Variants in CELF2 observed in about 807,000 individuals in gnomAD.
CELF2 encodes the protein CUGBP Elav-like family member 2.
In CELF2, 8 loss-of-function variants were observed where a neutral mutation model predicts 62.6. The ratio of observed to expected loss-of-function variants is 0.13; its 90% CI spans 0.07 to 0.23. The LOEUF is 0.23. CELF2 is among the 10% of genes least tolerant of loss of function. The pLI is 1.00. For missense variants in CELF2, 333 were observed against 671.0 expected (o/e 0.50, Z 5.56); for synonymous variants, 258 against 250.0 (o/e 1.03, Z -0.30).
At chr10:11,146,439 A>G (rs1182091446) in intron 1 of CELF2, among the ~76,000 whole-genome samples, 2 of 152,248 alleles carry the variant, frequency 1.3e-5, no homozygotes. Context: ...TGAACAATCC[A>G]GCTTTCATAA....
the CELF2 span, among the ~76,000 whole-genome samples, chr10:10,789,623 A>C: frequency 6.6e-6 from 1 of 152,180 alleles, no homozygotes; most frequent in East Asian, 1.9e-4. Context: ...TCATTGTATC[A>C]TTACATATAA....
the CELF2 span, among the ~76,000 whole-genome samples, chr10:10,498,025 G>A: frequency 6.6e-6 from 1 of 152,176 alleles, no homozygotes; most frequent in African/African-American, 2.4e-5. Context: ...ATAAGAGGCG[G>A]GAAGAAGTGC....
At chr10:10,472,788 C>A in the CELF2 span, among the ~76,000 whole-genome samples, 1 of 152,090 alleles carries the variant, frequency 6.6e-6, no homozygotes, top group Admixed American at 6.6e-5. Context: ...ACTAATATAT[C>A]TGTTCTGTTC....
the CELF2 span, among the ~76,000 whole-genome samples, chr10:10,463,901 A>G: frequency 6.6e-6 from 1 of 151,194 alleles, no homozygotes; most frequent in African/African-American, 2.4e-5. Context: ...TAGAAATGTA[A>G]TGGGGAGGTT....
At chr10:10,571,457 G>C in the CELF2 span, among the ~76,000 whole-genome samples, 7 of 151,420 alleles carry the variant, frequency 4.6e-5, no homozygotes, top group African/African-American at 7.2e-5. Context: ...AGAACCTATA[G>C]TTATTAAGCT....
the CELF2 span, among the ~76,000 whole-genome samples, chr10:10,518,036 C>T: frequency 1.3e-5 from 2 of 152,180 alleles, no homozygotes; most frequent in South Asian, 4.1e-4. Context: ...CCCACCATCT[C>T]CTTGAAACCC....
chr10:11,181,482 C>T (rs2073359061), intron 2 of CELF2, among the ~76,000 whole-genome samples: 1 of 152,228 alleles, frequency 6.6e-6, no homozygotes, highest in Non-Finnish European at 1.5e-5. Context: ...ATGCCTGAGT[C>T]TTGCCATTTC....
At chr10:10,522,106 T>A in the CELF2 span, among the ~76,000 whole-genome samples, 1 of 152,204 alleles carries the variant, frequency 6.6e-6, no homozygotes, top group Non-Finnish European at 1.5e-5. Flanking sequence ...ACTGCACCCA[T>A]GGCAAATATT....
chr10:10,812,767 A>C (rs2056054600), intron 1 of CELF2, among the ~76,000 whole-genome samples: 1 of 152,148 alleles, frequency 6.6e-6, no homozygotes, highest in South Asian at 2.1e-4. Flanking sequence ...CATATTTTCT[A>C]CTTTGTAGTG....
intron 1 of CELF2, among the ~76,000 whole-genome samples, chr10:11,147,759 C>T (rs1254552284): frequency 6.6e-6 from 1 of 152,154 alleles, no homozygotes; most frequent in African/African-American, 2.4e-5. Flanking sequence ...GGAAATTGTC[C>T]TGATTATAAT....
At chr10:10,508,759 T>C in the CELF2 span, among the ~76,000 whole-genome samples, 399 of 151,328 alleles carry the variant, frequency 2.6e-3, 1 homozygote, top group African/African-American at 9.5e-3. Flanking sequence ...TGGAATGCAA[T>C]GGCGTGATCT....
chr10:11,303,066 C>G (rs2093915704), intron 9 of CELF2, among the ~76,000 whole-genome samples: 1 of 152,200 alleles, frequency 6.6e-6, no homozygotes, highest in Admixed American at 6.5e-5. Context: ...GACTCGAGTG[C>G]CTCAGAGGTG....
At chr10:10,564,191 C>T in the CELF2 span, among the ~76,000 whole-genome samples, 1 of 152,178 alleles carries the variant, frequency 6.6e-6, no homozygotes, top group South Asian at 2.1e-4. Context: ...TACTTAGGTT[C>T]TCAGGCTCAT....
At chr10:10,687,120 G>A in the CELF2 span, among the ~76,000 whole-genome samples, 1 of 152,158 alleles carries the variant, frequency 6.6e-6, no homozygotes, top group Non-Finnish European at 1.5e-5. Context: ...TTTCATTTCA[G>A]TATTTCACCA....
chr10:10,626,340 A>T, the CELF2 span, among the ~76,000 whole-genome samples: 3 of 152,166 alleles, frequency 2.0e-5, no homozygotes, highest in Non-Finnish European at 2.9e-5. Context: ...TGTTAGAATG[A>T]ATTTGTGTTA....
intron 2 of CELF2, among the ~76,000 whole-genome samples, chr10:11,204,135 C>G (rs768559183): frequency 3.3e-5 from 5 of 152,142 alleles, no homozygotes; most frequent in African/African-American, 4.8e-5. Context: ...ATTTGATCAC[C>G]CTGGATATCA....
the CELF2 span, among the ~76,000 whole-genome samples, chr10:10,620,917 CAAAAAAAAAAAAA>C: frequency 2.8e-5 from 1 of 35,794 alleles, no homozygotes; most frequent in South Asian, 2.3e-3. Context: ...GACCCCATCT[CAAAAAAAAAAAAA>C]AAAAAAAAAA....
chr10:10,779,433 C>T, the CELF2 span, among the ~76,000 whole-genome samples: 2 of 152,182 alleles, frequency 1.3e-5, no homozygotes, highest in Non-Finnish European at 2.9e-5. Flanking sequence ...TCTTGGGCCC[C>T]GTTCATTGCA....
chr10:10,713,959 T>C, the CELF2 span, among the ~76,000 whole-genome samples: 1 of 152,090 alleles, frequency 6.6e-6, no homozygotes, highest in African/African-American at 2.4e-5. Context: ...AGCTTGAACC[T>C]GGGAGGTGAA....
Sources: allele counts gnomAD v4.1 joint callset (sites outside exome capture counted in the v4.1 genomes callset), GRCh38; gene constraint gnomAD v4.1.1; transcripts MANE v1.5; gene names NCBI Gene and HGNC (gene_info 2026-07-23, HGNC 2026-07-21).